The following SNTG1 variants were observed in gnomAD, a reference collection of about 807,000 sequenced individuals.
SNTG1 encodes gamma-1-syntrophin.
Under a neutral mutation model 74.7 loss-of-function variants are expected in SNTG1, and 39 were observed. The ratio of observed to expected loss-of-function variants is 0.52; its 90% CI spans 0.40 to 0.68. The LOEUF (loss-of-function observed/expected upper bound fraction) is 0.68. Ranked by LOEUF, SNTG1 falls within the 30% of genes least tolerant of loss-of-function variation. The pLI, the probability that SNTG1 is intolerant of heterozygous loss-of-function variation, is 0.00. For synonymous variants in SNTG1, 254 were observed against 217.1 expected (o/e 1.17, Z -1.49); for missense variants, 685 against 609.5 (o/e 1.12, Z -1.30).
At chr8:50,574,650 A>G (rs1271453664) in intron 12 of SNTG1, among the ~76,000 whole-genome samples, 3 of 152,148 alleles carry the variant, frequency 2.0e-5, no homozygotes, top group Non-Finnish European at 4.4e-5. Flanking sequence ...AACAGTAATC[A>G]TATTCTGAGA....
At chr8:49,979,073 A>T (rs1195846107) in intron 1 of SNTG1, among the ~76,000 whole-genome samples, 2 of 152,244 alleles carry the variant, frequency 1.3e-5, no homozygotes, top group African/African-American at 2.4e-5. Flanking sequence ...ATTTCGGTAC[A>T]TTAAAAGCCT....
intron 18 of SNTG1, among the ~76,000 whole-genome samples, chr8:50,756,600 G>C (rs1179326684): frequency 1.3e-5 from 2 of 151,658 alleles, no homozygotes; most frequent in Non-Finnish European, 2.9e-5. Context: ...CTATTTCTAG[G>C]CTTTCTCTTC....
At chr8:50,466,185 A>G (rs2093607147) in intron 8 of SNTG1, among the ~76,000 whole-genome samples, 1 of 152,082 alleles carries the variant, frequency 6.6e-6, no homozygotes, top group Admixed American at 6.5e-5. Context: ...TGCATTTTAA[A>G]TTTAGGTCTA....
intron 11 of SNTG1, among the ~76,000 whole-genome samples, chr8:50,537,286 A>G (rs1171690148): frequency 6.6e-6 from 1 of 152,016 alleles, no homozygotes; most frequent in East Asian, 1.9e-4. Context: ...CACCATGCCC[A>G]GCTAATTTTT....
intron 13 of SNTG1, among the ~76,000 whole-genome samples, chr8:50,640,543 T>C (rs2095066050): frequency 1.3e-5 from 2 of 152,186 alleles, no homozygotes; most frequent in African/African-American, 2.4e-5. Context: ...ATCACACACA[T>C]ATGTACACAT....
chr8:50,317,125 A>T (rs904203576), intron 2 of SNTG1, among the ~76,000 whole-genome samples: 2 of 152,026 alleles, frequency 1.3e-5, no homozygotes, highest in African/African-American at 4.8e-5. Flanking sequence ...CCTTAGGGGG[A>T]TTATTTCCTT....
chr8:50,004,648 T>C (rs1046550346), intron 1 of SNTG1, among the ~76,000 whole-genome samples: 2 of 152,204 alleles, frequency 1.3e-5, no homozygotes, highest in Middle Eastern at 3.2e-3. Flanking sequence ...CAATATTTGC[T>C]ATTGTAGTGA....
In SNTG1 at chr8:50,431,627, C is replaced by A. The variant is rs542558699; in HGVS notation, c.163-6916C>A. On this transcript the variant is annotated intron_variant, in intron 4 of 18. Transcript: ENST00000642720. ...TAGCTTTGTAAGAAACTGCAAAAAT[C>A]TCTTTTGCATTCACACCAATAAGAA... Among the ~76,000 whole-genome samples, 48 of 152,232 alleles carry A rather than the reference C, an allele frequency of 3.2e-4. 2 individuals are homozygous for A. The South Asian group carries it at 9.5e-3, about 30-fold the overall frequency.
At chr8:49,993,077 T>C (rs1249386453) in intron 1 of SNTG1, among the ~76,000 whole-genome samples, 2 of 152,148 alleles carry the variant, frequency 1.3e-5, no homozygotes, top group Non-Finnish European at 2.9e-5. Context: ...CATGCTTATA[T>C]GTATACTTAA....
chr8:50,302,411 G>C (rs1372178168), intron 2 of SNTG1, among the ~76,000 whole-genome samples: 2 of 152,002 alleles, frequency 1.3e-5, no homozygotes, highest in African/African-American at 2.4e-5. Flanking sequence ...CAATGCTCTG[G>C]TTAAAGGTTT....
intron 17 of SNTG1, among the ~76,000 whole-genome samples, chr8:50,740,213 A>G (rs979323474): frequency 6.6e-6 from 1 of 152,084 alleles, no homozygotes; most frequent in Admixed American, 6.6e-5. Flanking sequence ...AATTTTTGCA[A>G]ACTGTGCATC....
At chr8:50,348,275 G>A (rs61620844) in intron 2 of SNTG1, among the ~76,000 whole-genome samples, 9,931 of 152,146 alleles carry the variant, frequency 0.065, 351 homozygotes, top group African/African-American at 0.072. Context: ...TGGTTATCTG[G>A]CCCTTGGAAG....
intron 2 of SNTG1, among the ~76,000 whole-genome samples, chr8:50,343,147 GGAAT>G (rs2091368606): frequency 1.3e-5 from 2 of 152,154 alleles, no homozygotes; most frequent in African/African-American, 4.8e-5. Flanking sequence ...GTCGCTCATA[GGAAT>G]TGCACCCGGT....
At chr8:50,685,648 ATAT>A (rs1161279389) in intron 15 of SNTG1, among the ~76,000 whole-genome samples, 1 of 152,194 alleles carries the variant, frequency 6.6e-6, no homozygotes, top group Admixed American at 6.5e-5. Flanking sequence ...CAAATAGAAA[ATAT>A]TATTATTAAC....
chr8:50,205,366 C>T (rs1007622535), intron 2 of SNTG1, among the ~76,000 whole-genome samples: 3 of 152,154 alleles, frequency 2.0e-5, no homozygotes, highest in Non-Finnish European at 4.4e-5. Context: ...CACAAAATGT[C>T]TTCTTTTGAG....
intron 2 of SNTG1, among the ~76,000 whole-genome samples, chr8:50,260,617 T>C (rs903728382): frequency 1.3e-5 from 2 of 151,406 alleles, no homozygotes; most frequent in African/African-American, 4.9e-5. Flanking sequence ...GAATCAAATA[T>C]GGGAGGAATG....
intron 1 of SNTG1, among the ~76,000 whole-genome samples, chr8:49,955,853 C>A (rs1810109833): frequency 6.6e-6 from 1 of 152,186 alleles, no homozygotes; most frequent in African/African-American, 2.4e-5. Context: ...AAGCTTTTCT[C>A]AGGCTTGTCG....
chr8:49,951,341 CTAAA>C (rs1809678476), intron 1 of SNTG1, among the ~76,000 whole-genome samples: 2 of 152,120 alleles, frequency 1.3e-5, no homozygotes, highest in African/African-American at 4.8e-5. Context: ...GTTACAATAT[CTAAA>C]TAAATCCTCA....
At chr8:50,789,475 T>TG (rs1274203239) in intron 18 of SNTG1, among the ~76,000 whole-genome samples, 1 of 151,934 alleles carries the variant, frequency 6.6e-6, no homozygotes, top group Non-Finnish European at 1.5e-5. Flanking sequence ...AAGCTGAACT[T>TG]CTATTCTGAA....
Sources: allele counts gnomAD v4.1 joint callset (sites outside exome capture counted in the v4.1 genomes callset), GRCh38; gene constraint gnomAD v4.1.1; transcripts MANE v1.5; gene names NCBI Gene and HGNC (gene_info 2026-07-23, HGNC 2026-07-21).